PLEKHG7: variants seen among roughly 807,000 people sequenced by gnomAD.
PLEKHG7 encodes pleckstrin homology domain-containing family G member 7.
A neutral mutation model predicts 85.2 loss-of-function variants in PLEKHG7; 77 were observed. The ratio of observed to expected loss-of-function variants is 0.90; its 90% CI spans 0.75 to 1.09. The LOEUF is 1.09. Ranked by LOEUF, PLEKHG7 falls within the 50% of genes least tolerant of loss-of-function variation. The pLI, the probability that PLEKHG7 is intolerant of heterozygous loss-of-function variation, is 0.00. For synonymous variants in PLEKHG7, 301 were observed against 302.4 expected (o/e 1.00, Z 0.05); for missense variants, 777 against 804.3 (o/e 0.97, Z 0.41).
chr12:92,753,702 A>G (rs1014242304), intron 10 of PLEKHG7, among the ~76,000 whole-genome samples: 15 of 152,194 alleles, frequency 9.9e-5, no homozygotes, highest in Non-Finnish European at 4.4e-5. Context: ...CCAACAAGCA[A>G]GAATCCTTCC....
rs150449276 is a variant in PLEKHG7 at position 92,715,100 on chromosome 12, G to C, written c.530+7428G>C. ...ATTAAGTATTAACTCACATGATCAC[G>C]AGGTCCCACAATAGGCTGTCTGCCA... On this transcript the variant is annotated intron_variant, in intron 3 of 16. Transcript: ENST00000344636. 4.9e-4 allele frequency among the ~76,000 whole-genome samples: 74 copies of C among 152,244 alleles called. 1 individual carries two copies. In the East Asian group the frequency reaches 0.013, roughly 27 times the overall value.
intron 5 of PLEKHG7, among the ~76,000 whole-genome samples, chr12:92,732,786 C>G (rs964870385): frequency 1.3e-5 from 2 of 152,128 alleles, no homozygotes; most frequent in African/African-American, 4.8e-5. Context: ...TCTCAATCAG[C>G]GGTCCCTGAG....
intron 15 of PLEKHG7, among the ~76,000 whole-genome samples, chr12:92,768,675 A>G (rs1055271572): frequency 6.6e-6 from 1 of 152,152 alleles, no homozygotes; most frequent in African/African-American, 2.4e-5. Context: ...TCTACCGCAT[A>G]TGTTTAGCTT....
At chr12:92,737,907 C>A (rs1372313457) in intron 7 of PLEKHG7, among the ~76,000 whole-genome samples, 1 of 152,124 alleles carries the variant, frequency 6.6e-6, no homozygotes, top group Non-Finnish European at 1.5e-5. Flanking sequence ...TGGATGAGAT[C>A]GTCTAAGTGA....
At chr12:92,761,674 G>C in intron 13 of PLEKHG7, 78 bp from the exon 14 acceptor site, 1 of 1,268,124 alleles carries the variant, frequency 7.9e-7, no homozygotes. Flanking sequence ...AAGAAAGAAA[G>C]AAAGAAAGAA....
intron 10 of PLEKHG7, among the ~76,000 whole-genome samples, chr12:92,753,374 A>C (rs560956500): frequency 2.0e-5 from 3 of 152,330 alleles, no homozygotes; most frequent in Admixed American, 6.5e-5. Flanking sequence ...CGTAAAAGCT[A>C]TTCTCATGTT....
At chr12:92,768,219 AAAAG>A (rs1265988762) in intron 15 of PLEKHG7, among the ~76,000 whole-genome samples, 3 of 152,118 alleles carry the variant, frequency 2.0e-5, no homozygotes, top group Non-Finnish European at 2.9e-5. Context: ...GAAAAAAAAA[AAAAG>A]AGAGAAAAAA....
chr12:92,745,597 G>GTA lies in PLEKHG7; in HGVS notation c.1251+8_1251+9dup. On this transcript the variant is annotated splice_region_variant and intron_variant, in intron 10 of 16. Coordinates refer to ENST00000344636, the MANE Select transcript of PLEKHG7 (RefSeq NM_001377329.1). ...ACTTTGGAATTTATTTAAAAGTAAA[G>GTA]TATCATTTTCTTTTCTTTTGTATTT... 1 of 1,590,308 alleles carries GTA rather than the reference G, an allele frequency of 6.3e-7. No homozygotes were observed. The highest frequency in any genetic ancestry group is 8.6e-7 in the Non-Finnish European group (1 of 1,158,872).
intron 1 of PLEKHG7, among the ~76,000 whole-genome samples, chr12:92,703,881 A>G (rs1871156181): frequency 6.6e-6 from 1 of 152,228 alleles, no homozygotes; most frequent in South Asian, 2.1e-4. Context: ...CTACAAAGGA[A>G]ACCCAAAGCC....
At chr12:92,758,626 T>C (rs1005088453) in intron 13 of PLEKHG7, among the ~76,000 whole-genome samples, 4 of 152,372 alleles carry the variant, frequency 2.6e-5, no homozygotes, top group Admixed American at 6.5e-5. Flanking sequence ...AGACTCAACT[T>C]TTCCAGAAAA....
At chr12:92,734,108 A>G (rs545711514) in intron 5 of PLEKHG7, among the ~76,000 whole-genome samples, 1 of 152,324 alleles carries the variant, frequency 6.6e-6, no homozygotes, top group South Asian at 2.1e-4. Context: ...CAAGAACACA[A>G]TATCTGTTTT....
At chr12:92,753,940 T>G in intron 10 of PLEKHG7, 150 bp from the exon 11 acceptor site, 5 of 714,164 alleles carry the variant, frequency 7.0e-6, no homozygotes, top group Non-Finnish European at 6.9e-6. Context: ...TCAGGGGATT[T>G]AATTTGTGGC....
intron 7 of PLEKHG7, among the ~76,000 whole-genome samples, chr12:92,739,162 G>A (rs996584707): frequency 2.6e-5 from 4 of 152,220 alleles, no homozygotes; most frequent in African/African-American, 9.6e-5. Flanking sequence ...CTATCCTTGA[G>A]CTAATGGCCA....
At chr12:92,726,990 A>G (rs1871834583) in intron 3 of PLEKHG7, among the ~76,000 whole-genome samples, 1 of 152,178 alleles carries the variant, frequency 6.6e-6, no homozygotes, top group African/African-American at 2.4e-5. Flanking sequence ...TCTTTTTCCT[A>G]GTATCCTGAG....
intron 11 of PLEKHG7, 117 bp from the exon 12 acceptor site, chr12:92,755,708 A>G (rs1872806165): frequency 2.7e-6 from 2 of 736,418 alleles, no homozygotes; most frequent in Admixed American, 4.8e-5. Context: ...AACTTTATAT[A>G]TTGTCTGGCT....
At chr12:92,734,115 T>C (rs1162185943) in intron 5 of PLEKHG7, among the ~76,000 whole-genome samples, 1 of 152,246 alleles carries the variant, frequency 6.6e-6, no homozygotes, top group African/African-American at 2.4e-5. Context: ...ACAATATCTG[T>C]TTTCTTAAAA....
chr12:92,742,708 C>T (rs1337237072), intron 9 of PLEKHG7, among the ~76,000 whole-genome samples: 1 of 151,580 alleles, frequency 6.6e-6, no homozygotes, highest in Non-Finnish European at 1.5e-5. Context: ...GCCTCAGCCT[C>T]CCAAGTAGCT....
intron 13 of PLEKHG7, among the ~76,000 whole-genome samples, chr12:92,759,077 A>T (rs1439447393): frequency 3.3e-5 from 5 of 152,234 alleles, no homozygotes; most frequent in Non-Finnish European, 7.3e-5. Flanking sequence ...GAAACCTAAC[A>T]CATACTGTGT....
intron 3 of PLEKHG7, among the ~76,000 whole-genome samples, chr12:92,723,647 C>T (rs1238437448): frequency 6.6e-6 from 1 of 152,094 alleles, no homozygotes; most frequent in Non-Finnish European, 1.5e-5. Context: ...CTGCATTTCC[C>T]AAATGGCAAA....
Sources: gnomAD v4.1 joint callset for allele counts (sites outside exome capture counted in the v4.1 genomes callset) on GRCh38, gnomAD v4.1.1 for gene constraint, MANE v1.5 for transcripts, NCBI Gene and HGNC (gene_info 2026-07-23, HGNC 2026-07-21) for gene names.